The following CFAP44 variants were observed in gnomAD, a reference collection of about 807,000 sequenced individuals.
CFAP44 encodes the protein cilia- and flagella-associated protein 44.
CFAP44 carries 134 observed loss-of-function variants against 216.2 expected under a neutral mutation model. That is an observed-to-expected ratio of 0.62 (90% CI 0.54 to 0.72). The LOEUF is 0.72. Among genes scored for constraint, CFAP44 ranks in the 30% least tolerant of loss-of-function variants. The pLI is 0.00. For synonymous variants in CFAP44, 700 were observed against 727.6 expected, an observed-to-expected ratio of 0.96 and a Z score of 0.61; for missense variants, 2,035 against 2,182.1, an observed-to-expected ratio of 0.93 and a Z score of 1.34.
At position 113,291,754 on chromosome 3, in the gene CFAP44, G is replaced by T. The variant is rs190842767; in HGVS notation, c.5374-6C>A. ...GGGCCCTGGAAGGCATTGCCCTGTT[G>T]AAAGAAAACAGCTCCCTGTTGAAGC... On this transcript the variant is annotated splice_polypyrimidine_tract_variant and splice_region_variant and intron_variant, in intron 34 of 34. Transcript: ENST00000393845. 82 of 1,535,182 alleles carry T rather than the reference G, an allele frequency of 5.3e-5. No individual in the cohort carries two copies. Among genetic ancestry groups the T allele is most frequent in the Admixed American group, 3.3e-4 (17 of 50,982 alleles).
chr3:113,345,995 C>T (rs1200053134), intron 22 of CFAP44, among the ~76,000 whole-genome samples: 1 of 152,092 alleles, frequency 6.6e-6, no homozygotes, highest in Non-Finnish European at 1.5e-5. Context: ...AAATTTTAGC[C>T]TTTCCATGAG....
intron 6 of CFAP44, among the ~76,000 whole-genome samples, chr3:113,414,177 T>C (rs1466121105): frequency 2.6e-5 from 4 of 152,158 alleles, no homozygotes; most frequent in Admixed American, 6.5e-5. Context: ...TGTTGATGTA[T>C]AGGAATGCTT....
chr3:113,360,391 GT>G (rs1950528049), intron 21 of CFAP44: 1 of 228,066 alleles, frequency 4.4e-6, no homozygotes, highest in Admixed American at 4.1e-5. Context: ...AGAATGAGTG[GT>G]GTCTATTGGG....
intron 31 of CFAP44, among the ~76,000 whole-genome samples, chr3:113,304,506 T>C (rs1308501744): frequency 6.6e-6 from 1 of 152,242 alleles, no homozygotes; most frequent in African/African-American, 2.4e-5. Context: ...CTTTTTCTCT[T>C]AACCTGACAA....
chr3:113,380,851 TAAGGA>T (rs1239149673), intron 16 of CFAP44, 43 bp downstream of exon 16: 2 of 1,429,524 alleles, frequency 1.4e-6, no homozygotes, highest in Middle Eastern at 2.0e-4. Flanking sequence ...TTTTATATTC[TAAGGA>T]AAGGAAATTA....
At chr3:113,337,702 T>C (rs2107816151) in intron 24 of CFAP44, among the ~76,000 whole-genome samples, 1 of 152,206 alleles carries the variant, frequency 6.6e-6, no homozygotes. Flanking sequence ...AAGGAGGAAA[T>C]GTCTTTTCAA....
At chr3:113,399,847 G>T in intron 13 of CFAP44, 59 bp downstream of exon 13, 3 of 1,119,030 alleles carry the variant, frequency 2.7e-6, no homozygotes, top group Non-Finnish European at 2.5e-6. Context: ...CCAGAAAATA[G>T]CATTGATATA....
At chr3:113,416,346 C>A (rs1934646445) in intron 6 of CFAP44, among the ~76,000 whole-genome samples, 179 bp downstream of exon 6, 2 of 152,038 alleles carry the variant, frequency 1.3e-5, no homozygotes, top group Non-Finnish European at 2.9e-5. Context: ...TTAATTGGGG[C>A]ATTTAGCCCA....
intron 15 of CFAP44, among the ~76,000 whole-genome samples, chr3:113,387,396 T>A (rs758315305): frequency 3.3e-5 from 5 of 152,046 alleles, no homozygotes; most frequent in Non-Finnish European, 7.4e-5. Flanking sequence ...AGGCCCCTAT[T>A]CCAGGCCCTA....
intron 16 of CFAP44, among the ~76,000 whole-genome samples, chr3:113,380,144 G>A (rs548241573): frequency 4.2e-4 from 64 of 152,128 alleles, no homozygotes; most frequent in African/African-American, 1.4e-3. Context: ...CCACTAACTC[G>A]TCATCTAGCA....
intron 15 of CFAP44, among the ~76,000 whole-genome samples, chr3:113,385,228 A>T (rs1933615417): frequency 6.6e-6 from 1 of 152,162 alleles, no homozygotes; most frequent in South Asian, 2.1e-4. Flanking sequence ...CTTTTTATTT[A>T]TAAATTACCC....
intron 17 of CFAP44, among the ~76,000 whole-genome samples, chr3:113,376,832 A>G (rs1933359350): frequency 6.6e-6 from 1 of 152,206 alleles, no homozygotes. Context: ...TTAGTACTAG[A>G]GCATGTTTGT....
chr3:113,310,261 G>A (rs1193867575), intron 28 of CFAP44, among the ~76,000 whole-genome samples: 1 of 152,150 alleles, frequency 6.6e-6, no homozygotes, highest in East Asian at 1.9e-4. Flanking sequence ...TCTCCCCTCA[G>A]GGGTGGTATC....
intron 8 of CFAP44, 59 bp downstream of exon 8, chr3:113,406,868 C>T (rs1934298248): frequency 2.5e-6 from 3 of 1,203,684 alleles, no homozygotes; most frequent in African/African-American, 1.5e-5. Context: ...TATATGTGTG[C>T]TTTCATATAT....
rs1935165549 is a variant in CFAP44 at position 113,433,666 on chromosome 3, T to G, written c.-2A>C. ...ATCCTGATCATCTGGTTCCTTCATT[T>G]CCTCTGTAAGTACAAAATGGGGATG... On this transcript the variant is annotated 5_prime_UTR_variant, in exon 2 of 35. Coordinates refer to ENST00000393845, the MANE Select transcript of CFAP44 (RefSeq NM_001164496.2). 1 of 1,611,028 alleles carries G rather than the reference T, an allele frequency of 6.2e-7. No individual in the cohort carries two copies.
At chr3:113,401,107 G>A (rs1379173995) in intron 11 of CFAP44, 133 bp downstream of exon 11, 3 of 703,210 alleles carry the variant, frequency 4.3e-6, no homozygotes, top group Non-Finnish European at 4.7e-6. Context: ...ATTCTCAAGA[G>A]TAGCACATGT....
chr3:113,402,818 C>T lies in CFAP44; in HGVS notation c.1170+1034G>A, dbSNP rs141977215. Among the ~76,000 whole-genome samples, 243 of 152,242 alleles carry T rather than the reference C, an allele frequency of 1.6e-3. 1 individual carries two copies. The highest frequency in any genetic ancestry group is 5.4e-3 in the African/African-American group (226 of 41,526). On this transcript the variant is annotated intron_variant, in intron 9 of 34. Transcript: ENST00000393845. Reference sequence around the variant, plus strand: ...TGTGAAATATTTAACTTCTTTTCTCCTGAGGTTTTCTCCCACTTGGTATTT... The same window carrying T: ...TGTGAAATATTTAACTTCTTTTCTCTTGAGGTTTTCTCCCACTTGGTATTT...
Position 113,409,253 on chromosome 3 carries a change from C to T in CFAP44, c.743G>A (p.Ser248Asn), listed in dbSNP as rs771430458. The stretch of plus-strand genomic sequence containing the variant: ...GATAGTCAGTGTGTAGTCAGGGTTA[C>T]TACCAACAGAGGCCAGCAAGTTACC... ...YSGNLLASVG[S>N]NPDYTLTIWN... Residue 248 changes from serine (S) to asparagine (N), a missense_variant, in exon 7 of 35, where the codon AGT becomes AAT. Transcript: ENST00000393845. 1.7e-5 allele frequency: 27 copies of T among 1,614,024 alleles called. No homozygotes were observed. The highest frequency in any genetic ancestry group is 2.3e-5 in the Non-Finnish European group (27 of 1,180,040).
chr3:113,419,953 G>C, intron 5 of CFAP44, 64 bp downstream of exon 5: 1 of 1,547,372 alleles, frequency 6.5e-7, no homozygotes, highest in Admixed American at 1.8e-5. Context: ...ATGTTGGCTG[G>C]TCCACAGAAC....
Sources: gnomAD v4.1 joint callset for allele counts (sites outside exome capture counted in the v4.1 genomes callset) on GRCh38, gnomAD v4.1.1 for gene constraint, MANE v1.5 for transcripts, NCBI Gene and HGNC (gene_info 2026-07-23, HGNC 2026-07-21) for gene names.